PTPRK: variants seen among roughly 807,000 people sequenced by gnomAD.
The protein encoded by PTPRK is protein tyrosine phosphatase receptor type K.
In PTPRK, 75 loss-of-function variants were observed where a neutral mutation model predicts 178.0. That is an observed-to-expected ratio of 0.42 (90% CI 0.35 to 0.51). The LOEUF (loss-of-function observed/expected upper bound fraction) is 0.51. PTPRK is among the 20% of genes least tolerant of loss of function. The pLI, the probability that PTPRK is intolerant of heterozygous loss-of-function variation, is 0.02. For missense variants in PTPRK, 1,441 were observed against 1,797.8 expected (o/e 0.80, Z 3.59); for synonymous variants, 637 against 620.6 (o/e 1.03, Z -0.39).
intron 1 of PTPRK, among the ~76,000 whole-genome samples, chr6:128,495,816 T>C (rs1165717074): frequency 6.6e-6 from 1 of 152,210 alleles, no homozygotes; most frequent in African/African-American, 2.4e-5. Flanking sequence ...CAGACTCTCC[T>C]TCACGCCTCT....
chr6:128,310,132 A>T (rs1827017985), intron 3 of PTPRK, among the ~76,000 whole-genome samples: 1 of 152,208 alleles, frequency 6.6e-6, no homozygotes, highest in Non-Finnish European at 1.5e-5. Context: ...CTAAGCTTTT[A>T]CTTGGATAAC....
intron 3 of PTPRK, among the ~76,000 whole-genome samples, chr6:128,297,241 T>G (rs1255131934): frequency 4.6e-5 from 7 of 152,002 alleles, no homozygotes; most frequent in Non-Finnish European, 8.8e-5. Context: ...CTGAGTGACC[T>G]ACAAAGAGAC....
At chr6:128,370,963 T>C (rs12194153) in intron 2 of PTPRK, among the ~76,000 whole-genome samples, 3 of 152,160 alleles carry the variant, frequency 2.0e-5, no homozygotes, top group Non-Finnish European at 2.9e-5. Context: ...GTGGCTATTG[T>C]TTCACTATAC....
intron 6 of PTPRK, among the ~76,000 whole-genome samples, chr6:128,214,795 A>G (rs946880378): frequency 6.6e-6 from 1 of 152,086 alleles, no homozygotes; most frequent in Non-Finnish European, 1.5e-5. Context: ...AAATTAGTAA[A>G]TATTCTTATG....
At chr6:128,032,227 T>C (rs1406447408) in intron 13 of PTPRK, among the ~76,000 whole-genome samples, 4 of 152,136 alleles carry the variant, frequency 2.6e-5, no homozygotes, top group African/African-American at 9.7e-5. Context: ...TGACTTAATC[T>C]TCCCTTCCAA....
chr6:128,350,435 G>GA (rs926263619), intron 2 of PTPRK, among the ~76,000 whole-genome samples: 3 of 152,058 alleles, frequency 2.0e-5, no homozygotes, highest in Non-Finnish European at 2.9e-5. Context: ...GCCCTTAAAG[G>GA]AAAAAGGAAA....
intron 1 of PTPRK, among the ~76,000 whole-genome samples, chr6:128,513,550 T>C (rs1453729419): frequency 6.6e-6 from 1 of 151,440 alleles, no homozygotes; most frequent in African/African-American, 2.4e-5. Context: ...AAAAGAAATA[T>C]AAATCCAAGG....
chr6:128,102,278 A>G (rs1446263812), intron 7 of PTPRK, among the ~76,000 whole-genome samples: 1 of 152,252 alleles, frequency 6.6e-6, no homozygotes, highest in East Asian at 1.9e-4. Context: ...TAGAATTCAA[A>G]GGTGAATAAG....
rs745686352 is a variant in PTPRK, at chr6:128,218,963, C to G, written c.827G>C (p.Arg276Pro). ...DLYRCVTQSE[R>P]GSGVSNFAQL... ...AGCAAAATTGGACACACCGGAACCT[C>G]GTTCTGACTGAGTTACACAGCGATA... is the stretch of plus-strand genomic sequence containing the variant. The change falls in exon 6 of 30, where the codon CGA becomes CCA. Residue 276 changes from arginine (R) to proline (P), a missense_variant. Arg to Pro is a moderately radical substitution (Grantham distance 103). Transcript: ENST00000368226. 5.0e-6 allele frequency: 8 copies of G among 1,614,028 alleles called. No homozygotes were observed. The highest frequency in any genetic ancestry group is 6.8e-6 in the Non-Finnish European group (8 of 1,179,958).
chr6:128,209,163 C>A (rs1807599249), intron 6 of PTPRK, among the ~76,000 whole-genome samples: 1 of 152,040 alleles, frequency 6.6e-6, no homozygotes, highest in Admixed American at 6.6e-5. Flanking sequence ...TAAAAACGCG[C>A]CATTTTCCAC....
chr6:128,238,753 A>G (rs1307105520), intron 5 of PTPRK, among the ~76,000 whole-genome samples: 2 of 152,234 alleles, frequency 1.3e-5, no homozygotes, highest in Non-Finnish European at 2.9e-5. Flanking sequence ...CTATTTTTCA[A>G]TCTCTGTAGG....
Position 128,341,471 on chromosome 6 carries a change from C to T in PTPRK, c.224-19161G>A, listed in dbSNP as rs145575106. Among the ~76,000 whole-genome samples the T allele has an allele frequency of 3.2e-3, 486 of 152,184 alleles. 1 individual carries two copies. The highest frequency in any genetic ancestry group is 3.8e-3 in the Non-Finnish European group (256 of 68,014). ...AAGAAAAGACTAAGTCCAAAAGGTA[C>T]ATTGGAATAAAATTATGTGTACACA... On this transcript the variant is annotated intron_variant, in intron 2 of 29. Coordinates refer to ENST00000368226, the MANE Select transcript of PTPRK (RefSeq NM_002844.4).
At position 128,174,055 on chromosome 6, in the gene PTPRK, T is replaced by C. The variant is rs148154519; in HGVS notation, c.1162+10377A>G. 5.0e-3 allele frequency among the ~76,000 whole-genome samples: 764 copies of C among 152,086 alleles called. 5 individuals carry two copies. The highest frequency in any genetic ancestry group is 8.0e-3 in the Admixed American group (121 of 15,218). On this transcript the variant is annotated intron_variant, in intron 7 of 29. Coordinates refer to ENST00000368226, the MANE Select transcript of PTPRK (RefSeq NM_002844.4). ...TTTAGTATAGCAAATACAGCAAAGG[T>C]AAATTATAGTGGTGGACATATGAGT...
intron 3 of PTPRK, among the ~76,000 whole-genome samples, chr6:128,313,519 T>G (rs374523676): frequency 1.6e-4 from 24 of 151,968 alleles, no homozygotes; most frequent in Admixed American, 8.5e-4. Flanking sequence ...TAAAGTTGGG[T>G]CTTAAAGGAC....
chr6:128,325,251 A>G (rs1035143310), intron 2 of PTPRK, among the ~76,000 whole-genome samples: 3 of 152,144 alleles, frequency 2.0e-5, no homozygotes, highest in African/African-American at 7.2e-5. Flanking sequence ...GCAATTTGAC[A>G]TAAAAGACCT....
chr6:128,409,505 A>G (rs927703514), intron 1 of PTPRK, among the ~76,000 whole-genome samples: 1 of 152,212 alleles, frequency 6.6e-6, no homozygotes, highest in Non-Finnish European at 1.5e-5. Context: ...CTACCTAGCT[A>G]CTATTACTCA....
At chr6:128,053,425 C>T (rs1287318341) in intron 13 of PTPRK, among the ~76,000 whole-genome samples, 1 of 152,010 alleles carries the variant, frequency 6.6e-6, no homozygotes, top group African/African-American at 2.4e-5. Context: ...CCCTCTTAAC[C>T]TCCCTCAGAG....
chr6:128,430,017 T>G (rs1844630134), intron 1 of PTPRK, among the ~76,000 whole-genome samples: 1 of 152,212 alleles, frequency 6.6e-6, no homozygotes, highest in African/African-American at 2.4e-5. Context: ...TACATGGAAT[T>G]GTGATGATGA....
At chr6:128,417,136 G>A (rs116949517) in intron 1 of PTPRK, among the ~76,000 whole-genome samples, 74 of 151,468 alleles carry the variant, frequency 4.9e-4, no homozygotes, top group Non-Finnish European at 8.5e-4. Context: ...GTACTCTGAC[G>A]TGCCTTGGAA....
Sources: allele counts gnomAD v4.1 joint callset (sites outside exome capture counted in the v4.1 genomes callset), GRCh38; gene constraint gnomAD v4.1.1; transcripts MANE v1.5; gene names NCBI Gene and HGNC (gene_info 2026-07-23, HGNC 2026-07-21).